The following PCCA variants were observed in gnomAD, a reference collection of about 807,000 sequenced individuals.
The protein encoded by PCCA is propionyl-CoA carboxylase subunit alpha, also known as propionyl-CoA carboxylase alpha chain, mitochondrial.
A neutral mutation model predicts 101.3 loss-of-function variants in PCCA; 74 were observed. That is an observed-to-expected ratio of 0.73 (90% confidence interval 0.61 to 0.89). The LOEUF is 0.89. Ranked by LOEUF, PCCA falls within the 40% of genes least tolerant of loss-of-function variation. The pLI, the probability that PCCA is intolerant of heterozygous loss-of-function variation, is 0.00. For synonymous variants in PCCA, 294 were observed against 313.6 expected, an observed-to-expected ratio of 0.94 and a Z score of 0.66; for missense variants, 891 against 907.0, an observed-to-expected ratio of 0.98 and a Z score of 0.23.
At chr13:100,112,152 CA>C (rs1445417811) in intron 4 of PCCA, 91 bp downstream of exon 4, 43 of 851,694 alleles carry the variant, frequency 5.0e-5, no homozygotes, top group South Asian at 1.9e-4. Flanking sequence ...TTGGCCTGCA[CA>C]AGATACATTC....
chr13:100,309,326 G>A (rs1487383579), intron 15 of PCCA, among the ~76,000 whole-genome samples: 1 of 152,204 alleles, frequency 6.6e-6, no homozygotes, highest in African/African-American at 2.4e-5. Flanking sequence ...GAACCTGTGA[G>A]GCGGAGGTTG....
chr13:100,368,433 A>G (rs1431124890), intron 18 of PCCA, 39 bp from the exon 19 acceptor site: 10 of 1,084,874 alleles, frequency 9.2e-6, no homozygotes, highest in Non-Finnish European at 1.3e-5. Context: ...AAATAATAAT[A>G]TAAAATTATT....
intron 19 of PCCA, among the ~76,000 whole-genome samples, chr13:100,405,488 CA>C (rs958816581): frequency 1.3e-5 from 2 of 151,100 alleles, no homozygotes; most frequent in Non-Finnish European, 1.5e-5. Flanking sequence ...TTTTGTTAAA[CA>C]AAAAAAAATT....
chr13:100,483,730 C>T (rs182640434), intron 21 of PCCA, among the ~76,000 whole-genome samples: 4 of 152,276 alleles, frequency 2.6e-5, no homozygotes, highest in Admixed American at 1.3e-4. Flanking sequence ...ATGGAAGCCC[C>T]ATTTTAATTG....
intron 19 of PCCA, 66 bp downstream of exon 19, chr13:100,368,640 TA>T: frequency 1.0e-6 from 1 of 990,884 alleles, no homozygotes; most frequent in Non-Finnish European, 1.6e-6. Flanking sequence ...AAGCCATTTT[TA>T]ACCTGTTCAG....
chr13:100,299,896 T>C (rs1388508524), intron 12 of PCCA, among the ~76,000 whole-genome samples: 1 of 152,208 alleles, frequency 6.6e-6, no homozygotes, highest in African/African-American at 2.4e-5. Flanking sequence ...TTATTTTTAG[T>C]AGAGACAGGG....
chr13:100,411,272 C>T (rs1371483392), intron 19 of PCCA, among the ~76,000 whole-genome samples: 1 of 149,156 alleles, frequency 6.7e-6, no homozygotes, highest in East Asian at 2.0e-4. Context: ...GTTGCCCAGG[C>T]TGGAGTGCAG....
At chr13:100,328,703 T>C (rs1370226418) in intron 16 of PCCA, among the ~76,000 whole-genome samples, 1 of 143,322 alleles carries the variant, frequency 7.0e-6, no homozygotes, top group African/African-American at 2.5e-5. Flanking sequence ...TTTTTTTTTT[T>C]TTTTTTTTGA....
intron 8 of PCCA, chr13:100,236,991 T>C (rs1471955283): frequency 6.6e-6 from 1 of 152,270 alleles, no homozygotes; most frequent in Non-Finnish European, 1.5e-5. Context: ...TCAGCATTCC[T>C]GTACGCCTCA....
chr13:100,281,428 A>G (rs1479774687), intron 12 of PCCA, among the ~76,000 whole-genome samples: 1 of 152,252 alleles, frequency 6.6e-6, no homozygotes, highest in East Asian at 1.9e-4. Context: ...TCTAATTGAC[A>G]GCAATCATGT....
At chr13:100,153,858 C>T (rs1471183923) in intron 4 of PCCA, among the ~76,000 whole-genome samples, 1 of 152,112 alleles carries the variant, frequency 6.6e-6, no homozygotes, top group Non-Finnish European at 1.5e-5. Flanking sequence ...TGATCTTTTA[C>T]CTTTCAATAC....
At chr13:100,211,188 C>G (rs1289291023) in intron 7 of PCCA, among the ~76,000 whole-genome samples, 2 of 152,188 alleles carry the variant, frequency 1.3e-5, no homozygotes, top group Non-Finnish European at 1.5e-5. Flanking sequence ...ATAGTTCTCA[C>G]AGTTTAGTGG....
Position 100,176,449 on chromosome 13 carries a change from T to C in PCCA, c.468+19109T>C, listed in dbSNP as rs147937900. Among the ~76,000 whole-genome samples the C allele has an allele frequency of 5.4e-4, 82 of 152,308 alleles. 2 individuals are homozygous for C. Among genetic ancestry groups the C allele is most frequent in the African/African-American group, 1.9e-3 (77 of 41,574 alleles). ...TAATTATTTACATGTGTATAAAAAT[T>C]TGGGTTTATTGCAAGAAGGTACGTT... On this transcript the variant is annotated intron_variant, in intron 6 of 23. Coordinates refer to ENST00000376285, the MANE Select transcript of PCCA (RefSeq NM_000282.4).
chr13:100,362,814 C>T (rs1287479696), intron 18 of PCCA, among the ~76,000 whole-genome samples: 1 of 152,162 alleles, frequency 6.6e-6, no homozygotes, highest in South Asian at 2.1e-4. Context: ...TTATGTGATA[C>T]AGACTCTTCC....
chr13:100,176,051 G>A (rs1280080198), intron 6 of PCCA, among the ~76,000 whole-genome samples: 2 of 152,148 alleles, frequency 1.3e-5, no homozygotes, highest in Non-Finnish European at 2.9e-5. Context: ...GATAGGCCTC[G>A]GTTCTTAGGG....
At chr13:100,211,900 C>G (rs2059239348) in intron 7 of PCCA, among the ~76,000 whole-genome samples, 1 of 152,108 alleles carries the variant, frequency 6.6e-6, no homozygotes, top group Non-Finnish European at 1.5e-5. Context: ...GCCACCACAG[C>G]TGCCTACTTT....
intron 22 of PCCA, chr13:100,527,391 A>G: frequency 1.9e-6 from 1 of 537,832 alleles, no homozygotes; most frequent in South Asian, 1.5e-5. Flanking sequence ...TTAGTGGCAG[A>G]GCCAGACTCA....
intron 20 of PCCA, 107 bp from the exon 21 acceptor site, chr13:100,449,145 T>C (rs2081043938): frequency 1.6e-6 from 1 of 643,544 alleles, no homozygotes; most frequent in South Asian, 2.0e-5. Flanking sequence ...TATATTTTGT[T>C]TACCCATCCA....
intron 4 of PCCA, among the ~76,000 whole-genome samples, chr13:100,146,381 C>G (rs1259933675): frequency 6.6e-6 from 1 of 151,792 alleles, no homozygotes; most frequent in Non-Finnish European, 1.5e-5. Context: ...TTGAGACCAG[C>G]CTGACCAACA....
Sources: allele counts gnomAD v4.1 joint callset (sites outside exome capture counted in the v4.1 genomes callset), GRCh38; gene constraint gnomAD v4.1.1; transcripts MANE v1.5; gene names NCBI Gene and HGNC (gene_info 2026-07-23, HGNC 2026-07-21).